Variants in PTPRA observed in about 807,000 individuals in gnomAD.
PTPRA encodes the protein protein tyrosine phosphatase receptor type A.
Under a neutral mutation model 104.8 loss-of-function variants are expected in PTPRA, and 25 were observed. The ratio of observed to expected loss-of-function variants is 0.24; its 90% CI spans 0.17 to 0.33. PTPRA has a LOEUF of 0.33. Among genes scored for constraint, PTPRA ranks in the 10% least tolerant of loss-of-function variants. The pLI, the probability that PTPRA is intolerant of heterozygous loss-of-function variation, is 1.00. For missense variants in PTPRA, 765 were observed against 1,015.3 expected, an observed-to-expected ratio of 0.75 and a Z score of 3.35; for synonymous variants, 323 against 368.9, an observed-to-expected ratio of 0.88 and a Z score of 1.43.
At chr20:2,869,994 C>T (rs1053863307), upstream of PTPRA, among the ~76,000 whole-genome samples, 1 of 150,144 alleles carries the variant, frequency 6.7e-6, no homozygotes, top group Admixed American at 6.7e-5. Flanking sequence ...ATATATATAT[C>T]GAGCAAAGGC....
At chr20:2,925,743 A>C (rs2060270640) in intron 2 of PTPRA, among the ~76,000 whole-genome samples, 1 of 152,126 alleles carries the variant, frequency 6.6e-6, no homozygotes, top group African/African-American at 2.4e-5. Context: ...TGAACCTAGG[A>C]GGTAGAGGTT....
chr20:3,011,291 T>A (rs1251785891), intron 11 of PTPRA, among the ~76,000 whole-genome samples: 1 of 152,204 alleles, frequency 6.6e-6, no homozygotes, highest in East Asian at 1.9e-4. Context: ...GATTAAAGAT[T>A]TGGATTTCAC....
intron 9 of PTPRA, among the ~76,000 whole-genome samples, chr20:2,999,315 A>G (rs1013400461): frequency 1.3e-5 from 2 of 152,230 alleles, no homozygotes; most frequent in African/African-American, 2.4e-5. Flanking sequence ...TGCAATTCCA[A>G]TAAAAATCCC....
At chr20:2,994,546 C>T (rs1208824193) in intron 9 of PTPRA, among the ~76,000 whole-genome samples, 1 of 152,172 alleles carries the variant, frequency 6.6e-6, no homozygotes, top group East Asian at 1.9e-4. Context: ...CTGAAAGATT[C>T]CAGTGCTTTC....
At chr20:2,866,925 A>C in the PTPRA span, among the ~76,000 whole-genome samples, 2 of 152,242 alleles carry the variant, frequency 1.3e-5, no homozygotes, top group African/African-American at 4.8e-5. Flanking sequence ...GCTCCTAGGA[A>C]GATTATAGGG....
In PTPRA at chr20:2,964,318, T is replaced by C; in HGVS notation, c.41T>C (p.Leu14Pro). Reference protein sequence around the residue: ...WFILVLLGSGLICVSANNATT... With the variant: ...WFILVLLGSGPICVSANNATT... ...ATTCTTGTTCTGCTCGGCAGTGGTCTGATATGTGTCAGTGCCAACAATGCT... is the reference window on the plus strand; with the variant it reads ...ATTCTTGTTCTGCTCGGCAGTGGTCCGATATGTGTCAGTGCCAACAATGCT... Residue 14 changes from leucine to proline, a missense_variant, in exon 4 of 24, where the codon CTG (leucine) becomes CCG (proline). Coordinates refer to ENST00000399903, the MANE Select transcript of PTPRA (RefSeq NM_001385305.1). 6.2e-7 allele frequency: 1 copy of C among 1,608,310 alleles called. No homozygotes were observed. The highest frequency in any genetic ancestry group is 8.5e-7 in the Non-Finnish European group (1 of 1,178,300).
intron 1 of PTPRA, among the ~76,000 whole-genome samples, chr20:2,875,141 G>A (rs1242648545): frequency 1.3e-5 from 2 of 151,946 alleles, no homozygotes; most frequent in Non-Finnish European, 2.9e-5. Flanking sequence ...TTATTTCCCG[G>A]TATCCACTTC....
intron 1 of PTPRA, among the ~76,000 whole-genome samples, chr20:2,905,310 A>G (rs1418380152): frequency 6.6e-6 from 1 of 152,232 alleles, no homozygotes; most frequent in Non-Finnish European, 1.5e-5. Flanking sequence ...ATCAAATTAC[A>G]GAAATAACCA....
intron 12 of PTPRA, among the ~76,000 whole-genome samples, 194 bp from the exon 13 acceptor site, chr20:3,017,622 C>T (rs2064530447): frequency 6.6e-6 from 1 of 152,210 alleles, no homozygotes; most frequent in Admixed American, 6.5e-5. Flanking sequence ...CATCCTTGTG[C>T]AGTGCCTGGC....
chr20:3,023,442 C>A (rs2064982795), intron 16 of PTPRA, among the ~76,000 whole-genome samples: 3 of 152,172 alleles, frequency 2.0e-5, no homozygotes, highest in Admixed American at 6.5e-5. Context: ...TGGTGTAAAA[C>A]CCGATCGTAC....
At chr20:2,912,761 C>T (rs969528633) in intron 1 of PTPRA, among the ~76,000 whole-genome samples, 3 of 152,154 alleles carry the variant, frequency 2.0e-5, no homozygotes, top group Non-Finnish European at 4.4e-5. Flanking sequence ...TTGGACAGCA[C>T]GTATTTAGAA....
rs1281922700 is a variant in PTPRA, at chr20:3,022,610, C to A, written c.1329-79C>A. 3.1e-6 allele frequency: 5 copies of A among 1,587,512 alleles called. No homozygotes were observed. The African/African-American group carries it at 5.4e-5, about 17-fold the overall frequency. On this transcript the variant is annotated intron_variant, in intron 15 of 23. Transcript: ENST00000399903. This position sits in a 1 kb window ranked among gnomAD's most constrained non-coding sequence, Gnocchi z 4.6. Reference sequence around the variant, plus strand: ...GGATTTAGACCCTGAAGGAAGAGCCCCTGCCTGTGTTGCCCCTCCCTATCT... The same window carrying A: ...GGATTTAGACCCTGAAGGAAGAGCCACTGCCTGTGTTGCCCCTCCCTATCT...
At chr20:2,986,985 A>G (rs1328621617) in intron 7 of PTPRA, 136 bp downstream of exon 7, 11 of 777,096 alleles carry the variant, frequency 1.4e-5, no homozygotes, top group Non-Finnish European at 4.3e-6. Context: ...TGATAGTGCT[A>G]AAATTGAAGT....
At chr20:2,918,499 A>T (rs553269841) in intron 1 of PTPRA, among the ~76,000 whole-genome samples, 9 of 152,106 alleles carry the variant, frequency 5.9e-5, no homozygotes, top group Non-Finnish European at 1.3e-4. Flanking sequence ...ACAGTAGGGG[A>T]TGGTAATGTT....
chr20:2,876,051 G>T (rs967114969), intron 1 of PTPRA, among the ~76,000 whole-genome samples: 25 of 152,288 alleles, frequency 1.6e-4, no homozygotes, highest in African/African-American at 5.5e-4. Flanking sequence ...GCTACTAGAG[G>T]ATTTAAAGGA....
At chr20:2,886,552 T>C (rs1441798295) in intron 1 of PTPRA, among the ~76,000 whole-genome samples, 1 of 151,728 alleles carries the variant, frequency 6.6e-6, no homozygotes, top group Non-Finnish European at 1.5e-5. Flanking sequence ...TTGTTAGAAA[T>C]AGAAAAATGT....
intron 2 of PTPRA, among the ~76,000 whole-genome samples, chr20:2,940,728 CA>C (rs2060880965): frequency 6.6e-6 from 1 of 152,176 alleles, no homozygotes; most frequent in Non-Finnish European, 1.5e-5. Context: ...ATTCAAATTT[CA>C]GCGTTTTATT....
intron 5 of PTPRA, among the ~76,000 whole-genome samples, chr20:2,970,519 A>G (rs2062141633): frequency 6.6e-6 from 1 of 152,050 alleles, no homozygotes; most frequent in African/African-American, 2.4e-5. Flanking sequence ...TTCTCTGTTG[A>G]TATTCTTTAC....
intron 1 of PTPRA, among the ~76,000 whole-genome samples, chr20:2,910,079 A>G (rs1600098568): frequency 8.2e-6 from 1 of 121,842 alleles, no homozygotes; most frequent in East Asian, 2.1e-4. Context: ...TATATGATGT[A>G]TAGTATATAT....
Sources: allele counts gnomAD v4.1 joint callset (sites outside exome capture counted in the v4.1 genomes callset), GRCh38; gene constraint gnomAD v4.1.1; non-coding constraint Gnocchi (gnomAD v3.1); transcripts MANE v1.5; gene names NCBI Gene and HGNC (gene_info 2026-07-23, HGNC 2026-07-21).